B9D2: variants seen among roughly 807,000 people sequenced by gnomAD.
B9D2 encodes B9 domain-containing protein 2.
B9D2 carries 21 observed loss-of-function variants against 19.2 expected under a neutral mutation model. The ratio of observed to expected loss-of-function variants is 1.09; its 90% CI spans 0.78 to 1.58. B9D2 has a LOEUF of 1.58. Among genes scored for constraint, B9D2 ranks in the 40% most tolerant of loss-of-function variants. The pLI is 0.00. For synonymous variants in B9D2, 91 were observed against 100.6 expected (o/e 0.90, Z 0.57); for missense variants, 221 against 244.3 (o/e 0.90, Z 0.64).
At position 41,354,950 on chromosome 19, in the gene B9D2, C is replaced by G; in HGVS notation, c.278G>C (p.Gly93Ala). 4.3e-6 allele frequency: 7 copies of G among 1,612,350 alleles called. No homozygotes were observed. The highest frequency in any genetic ancestry group is 5.9e-6 in the Non-Finnish European group (7 of 1,179,160). ...QDSFGRCQLA[G>A]YGFCHVPSSP... is the part of the protein sequence containing the mutation. ...ACTGGGCACATGGCAAAATCCATAG[C>G]CTGCAAGCTGGCAGCGGCCAAAGCT... is the stretch of plus-strand genomic sequence containing the variant. The change falls in exon 4 of 4, where the codon GGC becomes GCC. Residue 93 changes from glycine to alanine, a missense_variant. By Grantham distance (60) the Gly-to-Ala change is moderately conservative. Transcript: ENST00000243578.
rs1379434407 is a variant in B9D2, at chr19:41,354,776, G to A, written c.452C>T (p.Thr151Ile). 1.9e-6 allele frequency: 3 copies of A among 1,614,062 alleles called. No individual in the cohort carries two copies. The highest frequency in any genetic ancestry group is 8.5e-7 in the Non-Finnish European group (1 of 1,180,040). The change falls in exon 4 of 4, where the codon ACA (threonine) becomes ATA (isoleucine). Residue 151 changes from threonine (T) to isoleucine (I), a missense_variant. By Grantham distance (89) the Thr-to-Ile change is moderately conservative. Transcript: ENST00000243578. ...CAGGTGCACGGTGCCACCAGCAGCTGTGTGCAGGCGATAGCGGTCGGCCCC... is the reference window on the plus strand; with the variant it reads ...CAGGTGCACGGTGCCACCAGCAGCTATGTGCAGGCGATAGCGGTCGGCCCC... Reference protein sequence around the residue: ...YSGADRYRLHTAAGGTVHLEI... With the variant: ...YSGADRYRLHIAAGGTVHLEI...
chr19:41,363,580 G>T, intron 1 of B9D2, 57 bp from the exon 2 acceptor site: 2 of 1,444,210 alleles, frequency 1.4e-6, no homozygotes, highest in Non-Finnish European at 1.9e-6. Flanking sequence ...ATCTCCATTT[G>T]ACGGGGGGGA....
chr19:41,355,392 G>A (rs1362355771), intron 3 of B9D2, among the ~76,000 whole-genome samples: 1 of 151,192 alleles, frequency 6.6e-6, no homozygotes, highest in Non-Finnish European at 1.5e-5. Context: ...CCAGTCCCCA[G>A]GTAACCATCA....
Position 41,354,889 on chromosome 19 carries a change from C to T in B9D2, c.339G>A (p.Trp113Ter). The change falls in exon 4 of 4, where the codon TGG becomes TGA. Residue 113 changes from tryptophan to a stop codon, truncating the protein, a stop_gained. Transcript: ENST00000243578. LOFTEE classifies it high-confidence loss of function. Reference protein sequence around the residue: ...PGTHQLACPTWRPLGSWREQL... With the variant: ...PGTHQLACPT ...GTTCTCGCCAACTGCCCAGGGGCCG[C>T]CACGTGGGGCAGGCCAGCTGGTGGG... is the stretch of plus-strand genomic sequence containing the variant. The T allele has an allele frequency of 6.2e-7, 1 of 1,613,754 alleles. No homozygotes were observed. Among genetic ancestry groups the T allele is most frequent in the African/African-American group, 1.3e-5 (1 of 75,056 alleles).
At chr19:41,360,582 T>C (rs1210435018) in intron 2 of B9D2, among the ~76,000 whole-genome samples, 6 of 152,296 alleles carry the variant, frequency 3.9e-5, no homozygotes, top group Admixed American at 3.9e-4. Context: ...CTCGGCTCAC[T>C]GCAACCTCCG....
intron 1 of B9D2, 91 bp from the exon 2 acceptor site, chr19:41,363,614 G>T: frequency 8.6e-7 from 1 of 1,161,374 alleles, no homozygotes; most frequent in Non-Finnish European, 1.3e-6. Context: ...CAAGTAAAGG[G>T]TAGTACTAGG....
chr19:41,358,748 G>C (rs988876151), intron 2 of B9D2, among the ~76,000 whole-genome samples: 7 of 152,076 alleles, frequency 4.6e-5, no homozygotes, highest in African/African-American at 1.7e-4. Flanking sequence ...GCTCACACCT[G>C]TAATCTCAGC....
At chr19:41,356,473 G>T (rs2038314730) in intron 3 of B9D2, among the ~76,000 whole-genome samples, 1 of 151,976 alleles carries the variant, frequency 6.6e-6, no homozygotes, top group African/African-American at 2.4e-5. Context: ...GGTTAGAGCT[G>T]CCCACCTCAC....
intron 2 of B9D2, among the ~76,000 whole-genome samples, chr19:41,360,338 G>T (rs1308702503): frequency 1.3e-5 from 2 of 152,014 alleles, no homozygotes; most frequent in Non-Finnish European, 2.9e-5. Context: ...ACTATGCTTT[G>T]CTAATTTTTT....
At chr19:41,357,585 C>T (rs764877833) in intron 3 of B9D2, among the ~76,000 whole-genome samples, 50 of 152,278 alleles carry the variant, frequency 3.3e-4, no homozygotes, top group Non-Finnish European at 6.3e-4. Flanking sequence ...CCCTGCCTCC[C>T]GGCTTCCTCT....
chr19:41,355,973 G>C (rs558859514), intron 3 of B9D2, among the ~76,000 whole-genome samples: 2 of 152,276 alleles, frequency 1.3e-5, no homozygotes, highest in South Asian at 4.1e-4. Flanking sequence ...CAAGGCCCTG[G>C]GGGGGGACTG....
rs118058150 is a variant in B9D2 at position 41,360,491 on chromosome 19, G to C, written c.89-2469C>G. Reference sequence around the variant, plus strand: ...CACACCCAACTGCACTCGTTTATCTGTTTATTTATTTTATTTTATTTATTT... The same window carrying C: ...CACACCCAACTGCACTCGTTTATCTCTTTATTTATTTTATTTTATTTATTT... On this transcript the variant is annotated intron_variant, in intron 2 of 3. Transcript: ENST00000243578. Among the ~76,000 whole-genome samples the C allele has an allele frequency of 8.2e-3, 1,252 of 151,778 alleles. 9 individuals are homozygous for C. Among genetic ancestry groups the C allele is most frequent in the Non-Finnish European group, 0.015 (1,017 of 67,940 alleles).
In B9D2 at chr19:41,354,600, C is replaced by G; in HGVS notation, c.*100G>C. On this transcript the variant is annotated 3_prime_UTR_variant, in exon 4 of 4. Transcript: ENST00000243578. The stretch of plus-strand genomic sequence containing the variant: ...TGCCATGCCTTAGCTGGGGTCAGCT[C>G]TGACAGTCTCTAGAGTCTGTGCTCT... 6.7e-7 allele frequency: 1 copy of G among 1,486,440 alleles called. No homozygotes were observed. Among genetic ancestry groups the G allele is most frequent in the South Asian group, 1.2e-5 (1 of 85,884 alleles). The allele number at this position is 1,486,440 out of a possible 1,614,324, so 92.1% of individuals were successfully genotyped here.
chr19:41,364,125 C>T lies in B9D2; in HGVS notation c.-172G>A, dbSNP rs531746901. 29 of 163,546 alleles carry T rather than the reference C, an allele frequency of 1.8e-4. No homozygotes were observed. The highest frequency in any genetic ancestry group is 2.9e-4 in the Non-Finnish European group (21 of 73,136). 10.1% of individuals were successfully genotyped at this position (163,546 alleles called of 1,614,324 possible). A position where few individuals can be genotyped will look rare whatever the true frequency, so the allele number is the denominator to read the frequency against. On this transcript the variant is annotated 5_prime_UTR_variant, in exon 1 of 4. Transcript: ENST00000243578. ...GCCGCGATACTTCCGCGACCGCGCT[C>T]GTCTTGGTTTCCGTGGTTGTTGCTG...
chr19:41,355,316 T>C (rs2038295854), intron 3 of B9D2, among the ~76,000 whole-genome samples: 1 of 152,134 alleles, frequency 6.6e-6, no homozygotes. Context: ...TAATCAGACC[T>C]CTGCTGAATT....
In B9D2 at chr19:41,354,929, G is replaced by C; in HGVS notation, c.299C>G (p.Pro100Arg). 6.2e-7 allele frequency: 1 copy of C among 1,613,304 alleles called. No individual in the cohort carries two copies. Among genetic ancestry groups the C allele is most frequent in the East Asian group, 2.2e-5 (1 of 44,874 alleles). The change falls in exon 4 of 4, where the codon CCC (proline) becomes CGC (arginine). Residue 100 changes from proline (P) to arginine (R), a missense_variant. By Grantham distance (103) the Pro-to-Arg change is moderately radical. Transcript: ENST00000243578. ...QLAGYGFCHV[P>R]SSPGTHQLAC... ...CAGCTGGTGGGTGCCCGGGCTACTGGGCACATGGCAAAATCCATAGCCTGC... is the reference window on the plus strand; with the variant it reads ...CAGCTGGTGGGTGCCCGGGCTACTGCGCACATGGCAAAATCCATAGCCTGC...
In B9D2 at chr19:41,363,374, C is replaced by A. The variant is rs1953258790; in HGVS notation, c.88+58G>T. 25 of 1,541,278 alleles carry A rather than the reference C, an allele frequency of 1.6e-5. No homozygotes were observed. In the South Asian group the frequency reaches 2.8e-4, roughly 17 times the overall value. ...CTGCGTTAAGGGGTGGAGGAAGGAG[C>A]ATGTAGCCTCTAGGCTAGGGGTCTT... On this transcript the variant is annotated intron_variant, in intron 2 of 3. Coordinates refer to ENST00000243578, the MANE Select transcript of B9D2 (RefSeq NM_030578.4).
rs542406245 is a variant in B9D2 at position 41,363,047 on chromosome 19, C to T, written c.88+385G>A. ...CCTGTTTGAGCGCAGGAGTTCGAGA[C>T]CAGCCTGGGCAACATAGCGAGACCC... On this transcript the variant is annotated intron_variant, in intron 2 of 3. Coordinates refer to ENST00000243578, the MANE Select transcript of B9D2 (RefSeq NM_030578.4). The T allele has an allele frequency of 2.1e-5, 5 of 242,446 alleles. No homozygotes were observed. The South Asian group carries it at 2.3e-4, about 11-fold the overall frequency. 15.0% of individuals were successfully genotyped at this position (242,446 alleles called of 1,614,324 possible).
intron 3 of B9D2, 104 bp downstream of exon 3, chr19:41,357,793 G>A (rs2038338242): frequency 1.3e-6 from 2 of 1,525,780 alleles, no homozygotes; most frequent in African/African-American, 2.7e-5. Flanking sequence ...GACCTACGTG[G>A]TATGGGGAGC....
Sources: gnomAD v4.1 joint callset for allele counts (sites outside exome capture counted in the v4.1 genomes callset) on GRCh38, gnomAD v4.1.1 for gene constraint, MANE v1.5 for transcripts, NCBI Gene and HGNC (gene_info 2026-07-23, HGNC 2026-07-21) for gene names.